Variants in BROX observed in about 807,000 individuals in gnomAD.
The protein encoded by BROX is BRO1 domain-containing protein BROX.
BROX carries 53 observed loss-of-function variants against 61.0 expected under a neutral mutation model. That is an observed-to-expected ratio of 0.87 (90% CI 0.70 to 1.09). The LOEUF is 1.09. BROX is among the 50% of genes least tolerant of loss of function. The pLI, the probability that BROX is intolerant of heterozygous loss-of-function variation, is 0.00. For missense variants in BROX, 489 were observed against 472.0 expected (o/e 1.04, Z -0.33); for synonymous variants, 152 against 160.2 (o/e 0.95, Z 0.38).
chr1:222,721,041 A>C (rs1325480217), intron 4 of BROX, among the ~76,000 whole-genome samples: 1 of 152,186 alleles, frequency 6.6e-6, no homozygotes, highest in African/African-American at 2.4e-5. Context: ...TACTACTTTT[A>C]TGTGGTGTCA....
intron 1 of BROX, 27 bp from the exon 2 acceptor site, chr1:222,715,657 G>A (rs556275061): frequency 1.0e-6 from 1 of 983,954 alleles, no homozygotes; most frequent in South Asian, 2.3e-5. Context: ...TTTAATTTTT[G>A]TATATTTTTT....
At chr1:222,718,454 T>A (rs1282086645) in intron 2 of BROX, among the ~76,000 whole-genome samples, 1 of 152,182 alleles carries the variant, frequency 6.6e-6, no homozygotes, top group Admixed American at 6.5e-5. Flanking sequence ...ATTTTTGTGT[T>A]TTATGTCAGA....
At chr1:222,727,796 G>T (rs545679094) in intron 8 of BROX, among the ~76,000 whole-genome samples, 2 of 152,138 alleles carry the variant, frequency 1.3e-5, no homozygotes, top group Non-Finnish European at 2.9e-5. Context: ...ACATCACAGC[G>T]GCGAATTAGG....
Position 222,724,109 on chromosome 1 carries a change from C to T in BROX, c.419C>T (p.Ala140Val). The change falls in exon 6 of 13, where the codon GCA becomes GTA. Residue 140 changes from alanine to valine, a missense_variant. Ala to Val is a moderately conservative substitution (Grantham distance 64). Coordinates refer to ENST00000340934, the MANE Select transcript of BROX (RefSeq NM_144695.4). ...AGKENITEDE[A>V]KEVHRSLKIA... ...TCTTTAAGTATAACAGAAGATGAAGCAAAAGAAGTTCATCGAAGCCTAAAG... is the reference window on the plus strand; with the variant it reads ...TCTTTAAGTATAACAGAAGATGAAGTAAAAGAAGTTCATCGAAGCCTAAAG... 1.9e-6 allele frequency: 3 copies of T among 1,610,128 alleles called. No individual in the cohort carries two copies. Among genetic ancestry groups the T allele is most frequent in the Non-Finnish European group, 2.5e-6 (3 of 1,178,298 alleles).
At chr1:222,728,943 T>C (rs1657729048) in intron 9 of BROX, 115 bp downstream of exon 9, 2 of 637,802 alleles carry the variant, frequency 3.1e-6, no homozygotes, top group Non-Finnish European at 5.1e-6. Flanking sequence ...AATGGACAGC[T>C]AACTCTCAGT....
In BROX at chr1:222,730,217, TTGATTTA is replaced by T. The variant is rs780726638; in HGVS notation, c.989+46_989+52del. 8.6e-6 allele frequency: 11 copies of T among 1,275,542 alleles called. No homozygotes were observed. The Admixed American group carries it at 2.5e-4, about 29-fold the overall frequency. The allele number at this position is 1,275,542 out of a possible 1,614,324, so 79.0% of individuals were successfully genotyped here. On this transcript the variant is annotated intron_variant, in intron 11 of 12. Coordinates refer to ENST00000340934, the MANE Select transcript of BROX (RefSeq NM_144695.4). ...ATATTACTTTAGTAATAATATTATG[TTGATTTA>T]TGATTATATTAAAATATTAATATTT...
chr1:222,729,899 T>C, intron 10 of BROX, 128 bp from the exon 11 acceptor site: 1 of 1,015,538 alleles, frequency 9.8e-7, no homozygotes, highest in South Asian at 1.7e-5. Flanking sequence ...TACAGTATTA[T>C]TATTGGTATT....
chr1:222,725,941 GA>G (rs1657468241), intron 7 of BROX, among the ~76,000 whole-genome samples: 1 of 152,072 alleles, frequency 6.6e-6, no homozygotes, highest in Non-Finnish European at 1.5e-5. Flanking sequence ...ATAAAAATCA[GA>G]ATTAGCCAGA....
In BROX at chr1:222,718,984, C is replaced by T. The variant is rs1013486623; in HGVS notation, c.161C>T (p.Pro54Leu). 6.2e-7 allele frequency: 1 copy of T among 1,613,840 alleles called. No homozygotes were observed. The highest frequency in any genetic ancestry group is 8.5e-7 in the Non-Finnish European group (1 of 1,179,878). ...LELFTDLSCN[P>L]EMMKNAADSY... is the part of the protein sequence containing the mutation. ...CTGTTCACTGATTTGAGCTGTAATC[C>T]AGAAATGATGAAGAATGCAGCAGAT... is the stretch of plus-strand genomic sequence containing the variant. Residue 54 changes from proline to leucine, a missense_variant, in exon 3 of 13, where the codon CCA becomes CTA. Physicochemically the swap from Pro to Leu is moderately conservative, Grantham distance 98. Coordinates refer to ENST00000340934, the MANE Select transcript of BROX (RefSeq NM_144695.4).
Position 222,719,127 on chromosome 1 carries a change from C to T in BROX, c.208+96C>T, listed in dbSNP as rs189010024. ...TTCAAATTTGATTAGTTTACTCTTC[C>T]AGACTGTATTCTTTGGAAAAGAGCA... On this transcript the variant is annotated intron_variant, in intron 3 of 12. Transcript: ENST00000340934. 21 of 1,292,324 alleles carry T rather than the reference C, an allele frequency of 1.6e-5. No homozygotes were observed. In the Admixed American group the frequency reaches 4.1e-4, roughly 25 times the overall value. 80.1% of individuals were successfully genotyped at this position (1,292,324 alleles called of 1,614,324 possible).
In BROX at chr1:222,712,843, T is replaced by C; in HGVS notation, c.-116T>C. 1 of 1,281,700 alleles carries C rather than the reference T, an allele frequency of 7.8e-7. No homozygotes were observed. The highest frequency in any genetic ancestry group is 1.0e-6 in the Non-Finnish European group (1 of 983,706). 79.4% of individuals were successfully genotyped at this position (1,281,700 alleles called of 1,614,324 possible). On this transcript the variant is annotated 5_prime_UTR_variant, in exon 1 of 13. The change abolishes the stop of an existing upstream ORF in the 5' untranslated region. Coordinates refer to ENST00000340934, the MANE Select transcript of BROX (RefSeq NM_144695.4). ...CTGGTTTTCCGTCACCCTGGTTCTG[T>C]AGTCTCGGTTCTCCGACTCCCTCTT... is the stretch of plus-strand genomic sequence containing the variant.
At chr1:222,715,421 C>T (rs1449830169) in intron 1 of BROX, among the ~76,000 whole-genome samples, 1 of 152,064 alleles carries the variant, frequency 6.6e-6, no homozygotes, top group Non-Finnish European at 1.5e-5. Flanking sequence ...CAAAACATAA[C>T]CTGAGGCCGG....
chr1:222,719,903 G>A (rs575378661), intron 4 of BROX, among the ~76,000 whole-genome samples: 3 of 152,112 alleles, frequency 2.0e-5, no homozygotes, highest in East Asian at 1.9e-4. Flanking sequence ...TAATTATAAC[G>A]AAACAGATCA....
intron 6 of BROX, among the ~76,000 whole-genome samples, chr1:222,724,901 C>T (rs547632471): frequency 1.3e-5 from 2 of 152,162 alleles, no homozygotes; most frequent in African/African-American, 4.8e-5. Context: ...TCAAGTGATT[C>T]TCCTGCCTCA....
chr1:222,713,259 C>T (rs987418151), intron 1 of BROX: 2 of 986,156 alleles, frequency 2.0e-6, no homozygotes, highest in Non-Finnish European at 2.4e-6. Context: ...TTGACAGTAT[C>T]GGCTTTCCAC....
Position 222,728,739 on chromosome 1 carries a change from T to C in BROX, c.671-4T>C. On this transcript the variant is annotated splice_region_variant and splice_polypyrimidine_tract_variant and intron_variant, in intron 8 of 12. Coordinates refer to ENST00000340934, the MANE Select transcript of BROX (RefSeq NM_144695.4). The stretch of plus-strand genomic sequence containing the variant: ...ATATTTTGCTTTTTAAAATGTAACT[T>C]TAGATCATACTTTATCCAGTTTGGA... 1 of 1,571,204 alleles carries C rather than the reference T, an allele frequency of 6.4e-7. No individual in the cohort carries two copies. Among genetic ancestry groups the C allele is most frequent in the South Asian group, 1.2e-5 (1 of 86,874 alleles).
intron 1 of BROX, chr1:222,715,112 G>A (rs1174274399): frequency 1.3e-5 from 2 of 152,162 alleles, no homozygotes; most frequent in African/African-American, 4.8e-5. Flanking sequence ...TGGAAATTAC[G>A]TTCATCTGGT....
intron 8 of BROX, 58 bp from the exon 9 acceptor site, chr1:222,728,685 A>G: frequency 1.8e-6 from 2 of 1,134,930 alleles, no homozygotes; most frequent in Non-Finnish European, 2.6e-6. Context: ...ACATGAACTA[A>G]AAGTCTTCTA....
At chr1:222,725,801 C>G (rs1657457836) in intron 7 of BROX, among the ~76,000 whole-genome samples, 1 of 151,942 alleles carries the variant, frequency 6.6e-6, no homozygotes, top group African/African-American at 2.4e-5. Flanking sequence ...TCCCAGCTTC[C>G]CACAAGGCTG....
Sources: gnomAD v4.1 joint callset for allele counts (sites outside exome capture counted in the v4.1 genomes callset) on GRCh38, gnomAD v4.1.1 for gene constraint, MANE v1.5 for transcripts, NCBI Gene and HGNC (gene_info 2026-07-23, HGNC 2026-07-21) for gene names.